PDE6A: variants seen among roughly 807,000 people sequenced by gnomAD.
The protein encoded by PDE6A is phosphodiesterase 6A.
A neutral mutation model predicts 106.3 loss-of-function variants in PDE6A; 84 were observed. That is an observed-to-expected ratio of 0.79 (90% CI 0.66 to 0.95). The LOEUF is 0.95. PDE6A is among the 40% of genes least tolerant of loss of function. The probability of loss-of-function intolerance (pLI) is 0.00; values close to 1 mark genes in which losing one functional copy is unlikely to be tolerated. For synonymous variants in PDE6A, 394 were observed against 386.6 expected (o/e 1.02, Z -0.23); for missense variants, 1,052 against 1,084.9 (o/e 0.97, Z 0.43).
At position 149,861,355 on chromosome 5, in the gene PDE6A, G is replaced by A. The variant is rs140032455; in HGVS notation, c.2507-384C>T. Among the ~76,000 whole-genome samples, 826 of 152,314 alleles carry A rather than the reference G, an allele frequency of 5.4e-3. 5 individuals are homozygous for A. Among genetic ancestry groups the A allele is most frequent in the African/African-American group, 0.019 (774 of 41,566 alleles). Reference sequence around the variant, plus strand: ...CAGATCTTACCTTTTTACTCTTTTAGAAAGAAAAGCTGGGCCAGGCACAGG... The same window carrying A: ...CAGATCTTACCTTTTTACTCTTTTAAAAAGAAAAGCTGGGCCAGGCACAGG... On this transcript the variant is annotated intron_variant, in intron 21 of 21. Transcript: ENST00000255266.
intron 3 of PDE6A, chr5:149,932,024 GAGCCAGCTATTAAGC>G (rs1280142327): frequency 1.3e-6 from 2 of 1,502,678 alleles, no homozygotes; most frequent in Non-Finnish European, 1.9e-6. Flanking sequence ...GGCAAAACCA[GAGCCAGCTATTAAGC>G]AGCCAGAAAG....
chr5:149,911,473 A>G (rs898622416), intron 6 of PDE6A, among the ~76,000 whole-genome samples: 1 of 152,214 alleles, frequency 6.6e-6, no homozygotes, highest in Non-Finnish European at 1.5e-5. Flanking sequence ...TGAGATCTGT[A>G]GATGAAACTT....
intron 13 of PDE6A, among the ~76,000 whole-genome samples, chr5:149,888,805 T>A (rs1289281032): frequency 6.6e-6 from 1 of 151,844 alleles, no homozygotes; most frequent in African/African-American, 2.4e-5. Context: ...AGAAAATGGC[T>A]GGGTGCGGTG....
chr5:149,907,691 G>C (rs1032969201), intron 6 of PDE6A, among the ~76,000 whole-genome samples: 2 of 152,166 alleles, frequency 1.3e-5, no homozygotes, highest in African/African-American at 4.8e-5. Flanking sequence ...CCCTCATAAA[G>C]TTAGAAGCTA....
intron 3 of PDE6A, among the ~76,000 whole-genome samples, chr5:149,931,505 G>A (rs922284494): frequency 6.6e-6 from 1 of 152,120 alleles, no homozygotes; most frequent in East Asian, 1.9e-4. Context: ...TGCACTTATT[G>A]CACACATATT....
At chr5:149,912,592 T>C (rs1753420675) in intron 6 of PDE6A, among the ~76,000 whole-genome samples, 2 of 152,232 alleles carry the variant, frequency 1.3e-5, no homozygotes. Flanking sequence ...GGCAAGGTTA[T>C]TCTATCTTGC....
intron 9 of PDE6A, 29 bp from the exon 10 acceptor site, chr5:149,898,535 G>T: frequency 6.7e-7 from 1 of 1,498,962 alleles, no homozygotes; most frequent in South Asian, 1.2e-5. Context: ...AGGAATCAGA[G>T]ACAGAACACC....
chr5:149,936,823 T>A (rs971543227), intron 1 of PDE6A, among the ~76,000 whole-genome samples: 2 of 152,222 alleles, frequency 1.3e-5, no homozygotes, highest in African/African-American at 4.8e-5. Flanking sequence ...TTATTTTAAA[T>A]CCTAGAATCA....
intron 7 of PDE6A, among the ~76,000 whole-genome samples, chr5:149,904,202 G>A (rs1013974043): frequency 2.6e-5 from 4 of 152,172 alleles, no homozygotes; most frequent in African/African-American, 7.2e-5. Context: ...AGCCGAGATC[G>A]TGCCACTGCA....
intron 17 of PDE6A, among the ~76,000 whole-genome samples, chr5:149,868,964 A>G (rs923874265): frequency 2.8e-4 from 43 of 152,226 alleles, no homozygotes; most frequent in African/African-American, 1.0e-3. Flanking sequence ...TTTAAAAGGT[A>G]AAAAAAAGAA....
intron 14 of PDE6A, 25 bp from the exon 15 acceptor site, chr5:149,884,892 A>C (rs777132634): frequency 6.4e-7 from 1 of 1,552,438 alleles, no homozygotes; most frequent in South Asian, 1.1e-5. Flanking sequence ...GAGAGAATCA[A>C]TATGGAGTGG....
chr5:149,938,648 T>G (rs1031418363), intron 1 of PDE6A, among the ~76,000 whole-genome samples: 13 of 152,390 alleles, frequency 8.5e-5, no homozygotes, highest in African/African-American at 3.1e-4. Flanking sequence ...CAATGAAATT[T>G]GAATTTCAGA....
At chr5:149,868,242 C>T (rs1312015497) in intron 17 of PDE6A, 84 bp from the exon 18 acceptor site, 1 of 1,316,162 alleles carries the variant, frequency 7.6e-7, no homozygotes, top group Non-Finnish European at 1.1e-6. Context: ...CACCTTTCTC[C>T]ACCCCCACTA....
At position 149,944,187 on chromosome 5, in the gene PDE6A, G is replaced by T; in HGVS notation, c.474+13C>A. 1 of 1,597,216 alleles carries T rather than the reference G, an allele frequency of 6.3e-7. No individual in the cohort carries two copies. The highest frequency in any genetic ancestry group is 1.7e-4 in the Middle Eastern group (1 of 6,034). On this transcript the variant is annotated intron_variant, in intron 1 of 21. Coordinates refer to ENST00000255266, the MANE Select transcript of PDE6A (RefSeq NM_000440.3). The stretch of plus-strand genomic sequence containing the variant: ...AATGCCCCATGCCCTCTCTCTCATG[G>T]GGAAGAGAGTACCTCCTCTGTGTTG...
intron 17 of PDE6A, among the ~76,000 whole-genome samples, chr5:149,869,440 G>A (rs1455966175): frequency 6.6e-6 from 1 of 152,108 alleles, no homozygotes; most frequent in African/African-American, 2.4e-5. Context: ...GGCAAGGCAG[G>A]TATTATTACA....
intron 16 of PDE6A, among the ~76,000 whole-genome samples, chr5:149,883,745 C>T (rs796376116): frequency 2.0e-4 from 31 of 152,292 alleles, no homozygotes; most frequent in African/African-American, 7.5e-4. Context: ...AATCTCTTGT[C>T]CTGAATCTCA....
intron 19 of PDE6A, chr5:149,866,566 A>G (rs1288451973): frequency 3.1e-6 from 1 of 319,026 alleles, no homozygotes; most frequent in Non-Finnish European, 5.9e-6. Flanking sequence ...CTTAAGAGAC[A>G]TTAAAACCAG....
intron 3 of PDE6A, chr5:149,931,905 T>C: frequency 1.4e-6 from 1 of 722,194 alleles, no homozygotes; most frequent in South Asian, 1.8e-5. Context: ...TTTCAGGTTG[T>C]GGACTATAAA....
At chr5:149,927,062 G>C (rs1273960819) in intron 4 of PDE6A, among the ~76,000 whole-genome samples, 1 of 152,020 alleles carries the variant, frequency 6.6e-6, no homozygotes, top group South Asian at 2.1e-4. Flanking sequence ...TAATGGCGGG[G>C]ATATGCTCCA....
Sources: allele counts gnomAD v4.1 joint callset (sites outside exome capture counted in the v4.1 genomes callset), GRCh38; gene constraint gnomAD v4.1.1; transcripts MANE v1.5; gene names NCBI Gene and HGNC (gene_info 2026-07-23, HGNC 2026-07-21).